Variants in TYW1 observed in about 807,000 individuals in gnomAD.
The protein encoded by TYW1 is S-adenosyl-L-methionine-dependent tRNA 4-demethylwyosine synthase TYW1.
A neutral mutation model predicts 96.2 loss-of-function variants in TYW1; 46 were observed. The ratio of observed to expected loss-of-function variants is 0.48; its 90% CI spans 0.38 to 0.61. The LOEUF (loss-of-function observed/expected upper bound fraction) is 0.61. Among genes scored for constraint, TYW1 ranks in the 20% least tolerant of loss-of-function variants. The pLI, the probability that TYW1 is intolerant of heterozygous loss-of-function variation, is 0.00. For synonymous variants in TYW1, 274 were observed against 323.0 expected (o/e 0.85, Z 1.63); for missense variants, 684 against 909.6 (o/e 0.75, Z 3.19).
intron 10 of TYW1, among the ~76,000 whole-genome samples, chr7:67,075,268 G>A (rs547927808): frequency 1.3e-5 from 2 of 152,086 alleles, no homozygotes; most frequent in East Asian, 1.9e-4. Context: ...TTATTTTAAG[G>A]TTTTATTCTT....
intron 15 of TYW1, among the ~76,000 whole-genome samples, chr7:67,220,439 G>A (rs566412638): frequency 5.9e-5 from 9 of 152,106 alleles, no homozygotes; most frequent in South Asian, 4.2e-4. Context: ...TCCTGACCTC[G>A]TGATCCGCCT....
chr7:67,017,363 A>G (rs1180556409), intron 5 of TYW1, among the ~76,000 whole-genome samples: 14 of 152,174 alleles, frequency 9.2e-5, no homozygotes, highest in Admixed American at 8.5e-4. Flanking sequence ...TGCCTCTGAT[A>G]ACTCCTGTTC....
At chr7:67,025,161 T>G in intron 7 of TYW1, 139 bp downstream of exon 7, 1 of 1,443,148 alleles carries the variant, frequency 6.9e-7, no homozygotes, top group East Asian at 2.5e-5. Flanking sequence ...TTTATAATTT[T>G]TTTGCCATTT....
rs187900188 is a variant in TYW1 at position 67,154,715 on chromosome 7, A to G, written c.1699-28411A>G. On this transcript the variant is annotated intron_variant, in intron 13 of 15. Coordinates refer to ENST00000359626, the MANE Select transcript of TYW1 (RefSeq NM_018264.4). Reference sequence around the variant, plus strand: ...TTGAGCCTGCTGTATCTGGTTGTCTATCTCTCTCTCTCAAGACTTGGAGAA... The same window carrying G: ...TTGAGCCTGCTGTATCTGGTTGTCTGTCTCTCTCTCTCAAGACTTGGAGAA... Among the ~76,000 whole-genome samples, 78 of 152,054 alleles carry G rather than the reference A, an allele frequency of 5.1e-4. 1 individual carries two copies. The highest frequency in any genetic ancestry group is 1.2e-3 in the East Asian group (6 of 5,178).
intron 10 of TYW1, among the ~76,000 whole-genome samples, chr7:67,080,929 G>T: frequency 2.2e-5 from 1 of 45,466 alleles, no homozygotes; most frequent in African/African-American, 7.5e-5. Flanking sequence ...TATTGTTTTT[G>T]CTTTCTTACT....
intron 13 of TYW1, among the ~76,000 whole-genome samples, chr7:67,167,539 T>C (rs1025955652): frequency 6.7e-5 from 10 of 149,856 alleles, no homozygotes; most frequent in Admixed American, 6.7e-4. Flanking sequence ...CTAGACATTG[T>C]GTTGTTTTTC....
chr7:67,097,167 C>T (rs1488522793), intron 11 of TYW1, among the ~76,000 whole-genome samples: 2 of 151,830 alleles, frequency 1.3e-5, no homozygotes, highest in African/African-American at 4.8e-5. Context: ...TGCCTGCACC[C>T]CTCCGCCAGA....
At chr7:67,060,569 A>G (rs1290149810) in intron 9 of TYW1, among the ~76,000 whole-genome samples, 1 of 152,234 alleles carries the variant, frequency 6.6e-6, no homozygotes, top group East Asian at 1.9e-4. Flanking sequence ...CAGCTTTCCC[A>G]GAGGAATTTA....
chr7:67,227,631 A>T (rs1563080601), intron 15 of TYW1, among the ~76,000 whole-genome samples: 1 of 151,830 alleles, frequency 6.6e-6, no homozygotes, highest in African/African-American at 2.4e-5. Flanking sequence ...TATTGGCTCA[A>T]CCTCTGGAGG....
Position 67,018,275 on chromosome 7 carries a change from G to A in TYW1, c.861+132G>A, listed in dbSNP as rs936271993. 100 of 1,221,590 alleles carry A rather than the reference G, an allele frequency of 8.2e-5. 1 individual carries two copies. The highest frequency in any genetic ancestry group is 3.1e-5 in the South Asian group (2 of 63,502). 75.7% of individuals were successfully genotyped at this position (1,221,590 alleles called of 1,614,324 possible). A position where few individuals can be genotyped will look rare whatever the true frequency, so the allele number is the denominator to read the frequency against. On this transcript the variant is annotated intron_variant, in intron 6 of 15. Transcript: ENST00000359626. ...AAGATCTGGCTGAGTGCAGTGGCTC[G>A]CACTTGTAATCCCCACACTTTGGGA...
At chr7:67,087,098 G>A (rs904704426) in intron 11 of TYW1, among the ~76,000 whole-genome samples, 4 of 152,192 alleles carry the variant, frequency 2.6e-5, no homozygotes, top group Non-Finnish European at 5.9e-5. Context: ...ACAGAATGAC[G>A]ATCTGAGTTT....
At chr7:67,138,895 G>A (rs1359433843) in intron 13 of TYW1, among the ~76,000 whole-genome samples, 1 of 151,404 alleles carries the variant, frequency 6.6e-6, no homozygotes, top group African/African-American at 2.4e-5. Flanking sequence ...TACTTAGGTT[G>A]CTTCCAAATC....
intron 7 of TYW1, among the ~76,000 whole-genome samples, chr7:67,025,912 T>C (rs1351480281): frequency 6.6e-6 from 1 of 151,880 alleles, no homozygotes; most frequent in Non-Finnish European, 1.5e-5. Flanking sequence ...TGCTAAAACC[T>C]ATACAAATTC....
At chr7:67,214,431 A>G (rs962216261) in intron 15 of TYW1, among the ~76,000 whole-genome samples, 1 of 152,124 alleles carries the variant, frequency 6.6e-6, no homozygotes, top group African/African-American at 2.4e-5. Context: ...TACATGTATA[A>G]TCATGTCATC....
At chr7:67,128,239 C>CT (rs1797961620) in intron 13 of TYW1, among the ~76,000 whole-genome samples, 1 of 152,092 alleles carries the variant, frequency 6.6e-6, no homozygotes, top group Admixed American at 6.5e-5. Flanking sequence ...TTATTTCAGT[C>CT]TTTTTTCATT....
In TYW1 at chr7:67,226,991, C is replaced by T. The variant is rs550493770; in HGVS notation, c.1978-11317C>T. On this transcript the variant is annotated intron_variant, in intron 15 of 15. Coordinates refer to ENST00000359626, the MANE Select transcript of TYW1 (RefSeq NM_018264.4). ...AAAATAATAATTGACACTAAGATCACATAAAAGCCCTTGAGTGTAGAAATG... is the reference window on the plus strand; with the variant it reads ...AAAATAATAATTGACACTAAGATCATATAAAAGCCCTTGAGTGTAGAAATG... 3.9e-5 allele frequency among the ~76,000 whole-genome samples: 6 copies of T among 152,308 alleles called. No homozygotes were observed. In the South Asian group the frequency reaches 1.2e-3, roughly 32 times the overall value.
chr7:67,025,507 G>A (rs1184164160), intron 7 of TYW1, among the ~76,000 whole-genome samples: 1 of 152,144 alleles, frequency 6.6e-6, no homozygotes, highest in Non-Finnish European at 1.5e-5. Flanking sequence ...AAGATGAACA[G>A]CATGATAGGA....
At chr7:67,206,785 G>C (rs1482353128) in intron 15 of TYW1, among the ~76,000 whole-genome samples, 1 of 152,078 alleles carries the variant, frequency 6.6e-6, no homozygotes, top group African/African-American at 2.4e-5. Context: ...ACCGAGGGCA[G>C]ATATCAACTA....
At chr7:67,155,646 C>T (rs1172319411) in intron 13 of TYW1, among the ~76,000 whole-genome samples, 1 of 152,096 alleles carries the variant, frequency 6.6e-6, no homozygotes. Flanking sequence ...GCAGACTCCA[C>T]CTCCCAGGTT....
Sources: allele counts gnomAD v4.1 joint callset (sites outside exome capture counted in the v4.1 genomes callset), GRCh38; gene constraint gnomAD v4.1.1; transcripts MANE v1.5; gene names NCBI Gene and HGNC (gene_info 2026-07-23, HGNC 2026-07-21).